The following KPNB1 variants were observed in gnomAD, a reference collection of about 807,000 sequenced individuals.
KPNB1 encodes the protein importin subunit beta-1.
A neutral mutation model predicts 113.0 loss-of-function variants in KPNB1; 7 were observed. That is an observed-to-expected ratio of 0.06 (90% CI 0.04 to 0.12). The LOEUF is 0.12. Ranked by LOEUF, KPNB1 falls within the 10% of genes least tolerant of loss-of-function variation. The probability of loss-of-function intolerance (pLI) is 1.00; values close to 1 mark genes in which losing one functional copy is unlikely to be tolerated. For synonymous variants in KPNB1, 363 were observed against 378.6 expected (o/e 0.96, Z 0.48); for missense variants, 400 against 1,054.8 (o/e 0.38, Z 8.60).
chr17:47,651,406 A>C (rs1380818908), intron 2 of KPNB1: 1 of 948,736 alleles, frequency 1.1e-6, no homozygotes. Context: ...AGTAACACTA[A>C]CCATATGTGT....
intron 9 of KPNB1, 95 bp from the exon 10 acceptor site, chr17:47,668,091 T>A: frequency 1.1e-6 from 1 of 912,262 alleles, no homozygotes. Flanking sequence ...CCCTGGAGTT[T>A]AAGTTCTAAA....
At chr17:47,673,610 G>A (rs2030513033) in intron 14 of KPNB1, 49 bp downstream of exon 14, 9 of 1,342,634 alleles carry the variant, frequency 6.7e-6, no homozygotes, top group Non-Finnish European at 9.6e-6. Context: ...AGAATTATTA[G>A]TATCTCAGTA....
Position 47,668,308 on chromosome 17 carries a change from C to T in KPNB1, c.1122C>T (p.His374=), listed in dbSNP as rs772564672. 1.9e-6 allele frequency: 3 copies of T among 1,614,186 alleles called. No homozygotes were observed. Among genetic ancestry groups the T allele is most frequent in the East Asian group, 2.2e-5 (1 of 44,882 alleles). ...VPHVLPFIKE[H]IKNPDWRYRD... is the part of the protein sequence containing the mutation. ...ATGTCCTCCCCTTCATTAAAGAACACATCAAGAACCCAGATTGGCGGTACC... is the reference window on the plus strand; with the variant it reads ...ATGTCCTCCCCTTCATTAAAGAACATATCAAGAACCCAGATTGGCGGTACC... Residue 374 remains histidine (H), a synonymous_variant, in exon 10 of 22, where the codon CAC becomes CAT. Transcript: ENST00000290158.
Position 47,649,997 on chromosome 17 carries a change from G to A in KPNB1, c.-248G>A. On this transcript the variant is annotated 5_prime_UTR_variant, in exon 1 of 22. Transcript: ENST00000290158. ...CGCCTCCCGAGCACCAGCGCGCTCT[G>A]AGCTGCCCCCAGGGTCCCTCCCCCG... The A allele has an allele frequency of 7.4e-7, 1 of 1,352,466 alleles. No individual in the cohort carries two copies. Among genetic ancestry groups the A allele is most frequent in the Non-Finnish European group, 9.5e-7 (1 of 1,057,992 alleles). 83.8% of individuals were successfully genotyped at this position (1,352,466 alleles called of 1,614,324 possible).
intron 19 of KPNB1, 59 bp downstream of exon 19, chr17:47,678,472 G>GCTAT (rs1428045434): frequency 5.0e-6 from 6 of 1,191,794 alleles, no homozygotes; most frequent in Admixed American, 1.7e-5. Flanking sequence ...AGCCAAGTGG[G>GCTAT]CTATGTCTGT....
chr17:47,674,864 T>C, intron 15 of KPNB1, 82 bp downstream of exon 15: 1 of 1,399,146 alleles, frequency 7.1e-7, no homozygotes, highest in African/African-American at 1.4e-5. Context: ...TCACCCAGGC[T>C]GGAGTGCAGT....
chr17:47,679,938 C>A, intron 19 of KPNB1, 82 bp from the exon 20 acceptor site: 1 of 802,780 alleles, frequency 1.2e-6, no homozygotes, highest in South Asian at 1.4e-5. Flanking sequence ...ACCTTGTGAT[C>A]CACCCGCCTG....
chr17:47,653,788 G>A (rs1188152496), intron 3 of KPNB1, among the ~76,000 whole-genome samples: 3 of 152,158 alleles, frequency 2.0e-5, no homozygotes, highest in Non-Finnish European at 2.9e-5. Context: ...GTATCTGGTT[G>A]TGTACCTCCT....
At position 47,652,888 on chromosome 17, in the gene KPNB1, T is replaced by A; in HGVS notation, c.282+12T>A. ...AAGTCAAGAACTATGTGAGTAACGC[T>A]TATCTGTTTGGTTATATTGCCCAGA... On this transcript the variant is annotated intron_variant, in intron 3 of 21. Transcript: ENST00000290158. The A allele has an allele frequency of 6.4e-7, 1 of 1,550,968 alleles. No homozygotes were observed. The highest frequency in any genetic ancestry group is 8.7e-7 in the Non-Finnish European group (1 of 1,152,726).
intron 19 of KPNB1, 145 bp downstream of exon 19, chr17:47,678,558 A>T: frequency 1.6e-6 from 1 of 631,634 alleles, no homozygotes; most frequent in Non-Finnish European, 2.9e-6. Flanking sequence ...GCCCTAATGA[A>T]GAGAGTGGCT....
At chr17:47,650,551 C>G (rs1270826084) in intron 2 of KPNB1, 107 bp downstream of exon 2, 1 of 816,924 alleles carries the variant, frequency 1.2e-6, no homozygotes, top group Admixed American at 2.2e-5. Context: ...CCCGCCCCAT[C>G]CCGTCCCCCT....
intron 6 of KPNB1, among the ~76,000 whole-genome samples, chr17:47,662,630 C>T (rs1275797952): frequency 6.6e-6 from 1 of 151,914 alleles, no homozygotes; most frequent in African/African-American, 2.4e-5. Flanking sequence ...ACCTTTAATC[C>T]TAGCACTTTA....
rs189479243 is a variant in KPNB1 at position 47,667,001 on chromosome 17, G to A, written c.1000-1185G>A. 1.5e-3 allele frequency among the ~76,000 whole-genome samples: 235 copies of A among 152,312 alleles called. 2 individuals carry two copies. The highest frequency in any genetic ancestry group is 2.0e-3 in the Non-Finnish European group (136 of 68,026). Reference sequence around the variant, plus strand: ...TTTTCTGAAACTGCATAGGCAACCTGCCTTAAGTTTACTATGTGGTGTGAA... The same window carrying A: ...TTTTCTGAAACTGCATAGGCAACCTACCTTAAGTTTACTATGTGGTGTGAA... On this transcript the variant is annotated intron_variant, in intron 9 of 21. Coordinates refer to ENST00000290158, the MANE Select transcript of KPNB1 (RefSeq NM_002265.6).
intron 6 of KPNB1, 110 bp downstream of exon 6, chr17:47,661,288 A>T: frequency 1.2e-6 from 1 of 830,878 alleles, no homozygotes; most frequent in Non-Finnish European, 2.1e-6. Context: ...ATAAGGTTTG[A>T]TTAATATTGT....
intron 12 of KPNB1, 99 bp from the exon 13 acceptor site, chr17:47,672,919 A>C: frequency 2.1e-4 from 238 of 1,121,968 alleles, no homozygotes; most frequent in Non-Finnish European, 2.7e-4. Context: ...GTCTGCAGAC[A>C]TACCGGTTCC....
In KPNB1 at chr17:47,666,916, C is replaced by G. The variant is rs999003373; in HGVS notation, c.1000-1270C>G. 3.9e-5 allele frequency among the ~76,000 whole-genome samples: 6 copies of G among 152,032 alleles called. 1 individual carries two copies. The highest frequency in any genetic ancestry group is 1.5e-4 in the African/African-American group (6 of 41,378). On this transcript the variant is annotated intron_variant, in intron 9 of 21. Transcript: ENST00000290158. Reference sequence around the variant, plus strand: ...ACAGGCATGAGCCACTGCACCCGGCCTCCTTTCTTATATTTTTATTGTGCT... The same window carrying G: ...ACAGGCATGAGCCACTGCACCCGGCGTCCTTTCTTATATTTTTATTGTGCT...
intron 19 of KPNB1, chr17:47,678,638 C>T (rs1490608026): frequency 4.1e-6 from 2 of 485,314 alleles, no homozygotes; most frequent in African/African-American, 1.9e-5. Context: ...GACGGAGTCT[C>T]ACTCTGTTGC....
chr17:47,650,837 G>A (rs1033213719), intron 2 of KPNB1, among the ~76,000 whole-genome samples: 2 of 152,146 alleles, frequency 1.3e-5, no homozygotes, highest in Admixed American at 6.5e-5. Context: ...CCGGCCGCCC[G>A]CCCTGTCTGA....
intron 17 of KPNB1, among the ~76,000 whole-genome samples, chr17:47,677,437 A>G (rs1375514811): frequency 1.4e-5 from 2 of 143,054 alleles, no homozygotes; most frequent in Non-Finnish European, 3.0e-5. Flanking sequence ...ACGCCATTGC[A>G]CTCCAGCCTG....
Sources: gnomAD v4.1 joint callset for allele counts (sites outside exome capture counted in the v4.1 genomes callset) on GRCh38, gnomAD v4.1.1 for gene constraint, MANE v1.5 for transcripts, NCBI Gene and HGNC (gene_info 2026-07-23, HGNC 2026-07-21) for gene names.